TMTC1: variants seen among roughly 807,000 people sequenced by gnomAD.
TMTC1 encodes protein O-mannosyl-transferase TMTC1.
A neutral mutation model predicts 104.8 loss-of-function variants in TMTC1; 73 were observed. The observed-to-expected ratio is 0.70, with a 90% confidence interval of 0.58 to 0.85. The LOEUF (loss-of-function observed/expected upper bound fraction) is 0.85. TMTC1 is among the 40% of genes least tolerant of loss of function. The pLI is 0.00. For missense variants in TMTC1, 1,035 were observed against 1,096.1 expected (o/e 0.94, Z 0.79); for synonymous variants, 434 against 428.7 (o/e 1.01, Z -0.15).
chr12:29,540,923 A>T (rs1266778414), intron 10 of TMTC1, among the ~76,000 whole-genome samples: 1 of 151,956 alleles, frequency 6.6e-6, no homozygotes, highest in Non-Finnish European at 1.5e-5. Flanking sequence ...TGAACCTGGG[A>T]GGCGGAGCTT....
intron 5 of TMTC1, among the ~76,000 whole-genome samples, chr12:29,651,694 G>C (rs56725862): frequency 1.2e-3 from 188 of 152,268 alleles, no homozygotes; most frequent in African/African-American, 4.4e-3. Context: ...TTTAATTTCA[G>C]AGCTTGCTAT....
At chr12:29,600,206 T>C (rs2136388143) in intron 7 of TMTC1, among the ~76,000 whole-genome samples, 1 of 152,014 alleles carries the variant, frequency 6.6e-6, no homozygotes, top group African/African-American at 2.4e-5. Flanking sequence ...TATCCAGTGC[T>C]CTGACACATC....
chr12:29,647,021 G>A (rs927205172), intron 5 of TMTC1, among the ~76,000 whole-genome samples: 4 of 151,984 alleles, frequency 2.6e-5, no homozygotes, highest in Non-Finnish European at 4.4e-5. Flanking sequence ...GCTTCGTTTC[G>A]AAAAAACATG....
chr12:29,624,516 G>A (rs1056175999), intron 6 of TMTC1, among the ~76,000 whole-genome samples: 25 of 152,156 alleles, frequency 1.6e-4, no homozygotes, highest in Non-Finnish European at 3.2e-4. Flanking sequence ...GCTGTACCCA[G>A]CCCACTTGGC....
intron 7 of TMTC1, 136 bp from the exon 8 acceptor site, chr12:29,583,710 G>T: frequency 1.3e-6 from 1 of 744,738 alleles, no homozygotes; most frequent in Non-Finnish European, 2.1e-6. Context: ...CCCTGCCTTG[G>T]ACAATATTAA....
chr12:29,771,863 G>A (rs767207699), intron 1 of TMTC1, among the ~76,000 whole-genome samples: 1 of 152,104 alleles, frequency 6.6e-6, no homozygotes, highest in Non-Finnish European at 1.5e-5. Context: ...AGAGAAAGAT[G>A]ACAGAAATAA....
chr12:29,605,218 T>C (rs1946666964), intron 6 of TMTC1, among the ~76,000 whole-genome samples: 1 of 152,120 alleles, frequency 6.6e-6, no homozygotes, highest in African/African-American at 2.4e-5. Flanking sequence ...TTTTAAAGTC[T>C]ATTATTTTTA....
intron 5 of TMTC1, among the ~76,000 whole-genome samples, chr12:29,682,889 A>G (rs1940967343): frequency 6.6e-6 from 1 of 152,190 alleles, no homozygotes; most frequent in Admixed American, 6.5e-5. Flanking sequence ...CTATACACAC[A>G]TATTGCATGG....
At chr12:29,633,765 A>G (rs11050330) in intron 5 of TMTC1, among the ~76,000 whole-genome samples, 67,839 of 151,944 alleles carry the variant, frequency 0.45, 16,419 homozygotes, top group South Asian at 0.55. Context: ...ATTTCAAAAA[A>G]TCAAAATATT....
At chr12:29,511,157 C>T (rs1469337229) in intron 17 of TMTC1, among the ~76,000 whole-genome samples, 1 of 152,140 alleles carries the variant, frequency 6.6e-6, no homozygotes, top group African/African-American at 2.4e-5. Flanking sequence ...TCTTTTTTCT[C>T]CTTAGCACTT....
intron 6 of TMTC1, among the ~76,000 whole-genome samples, chr12:29,617,536 C>CAGAGAG (rs145115277): frequency 0.025 from 3,436 of 134,924 alleles, 70 homozygotes; most frequent in African/African-American, 0.06. Flanking sequence ...AAACAGACAA[C>CAGAGAG]AGAGAGAGAG....
chr12:29,592,441 A>C (rs1592284711), intron 7 of TMTC1, among the ~76,000 whole-genome samples: 1 of 152,200 alleles, frequency 6.6e-6, no homozygotes, highest in African/African-American at 2.4e-5. Context: ...GGTAAGTATG[A>C]AAGGATTCTT....
chr12:29,677,182 A>G (rs924069748), intron 5 of TMTC1, among the ~76,000 whole-genome samples: 1 of 152,192 alleles, frequency 6.6e-6, no homozygotes, highest in Non-Finnish European at 1.5e-5. Context: ...AGTCAATGTA[A>G]TGGGTTTCAG....
At chr12:29,609,134 C>G (rs1007915514) in intron 6 of TMTC1, among the ~76,000 whole-genome samples, 3 of 152,034 alleles carry the variant, frequency 2.0e-5, no homozygotes, top group Non-Finnish European at 4.4e-5. Flanking sequence ...TTTCTCACCT[C>G]TAAACAAGTT....
intron 5 of TMTC1, among the ~76,000 whole-genome samples, chr12:29,657,290 A>G (rs1939806265): frequency 6.6e-6 from 1 of 152,218 alleles, no homozygotes; most frequent in South Asian, 2.1e-4. Context: ...GGAGCTACAG[A>G]ACACAAGAAA....
chr12:29,602,535 C>T (rs890261099), intron 7 of TMTC1, among the ~76,000 whole-genome samples: 1 of 152,148 alleles, frequency 6.6e-6, no homozygotes, highest in South Asian at 2.1e-4. Context: ...AGAGGAATCA[C>T]GATCATGTTT....
intron 5 of TMTC1, among the ~76,000 whole-genome samples, chr12:29,734,561 C>A (rs1405878928): frequency 6.6e-6 from 1 of 152,212 alleles, no homozygotes. Context: ...CGGAGGATGC[C>A]TATATATAGA....
In TMTC1 at chr12:29,505,974, A is replaced by G. The variant is rs1943685717; in HGVS notation, c.*872T>C. 6.6e-6 allele frequency: 1 copy of G among 152,176 alleles called. No individual in the cohort carries two copies. The highest frequency in any genetic ancestry group is 1.5e-5 in the Non-Finnish European group (1 of 68,016). 9.4% of individuals were successfully genotyped at this position (152,176 alleles called of 1,614,324 possible). The stretch of plus-strand genomic sequence containing the variant: ...CTGAACATTAAGATAATAAAGTAGG[A>G]CATTTCTCTTAGTTAATATCTTTAA... On this transcript the variant is annotated 3_prime_UTR_variant, in exon 18 of 18. Transcript: ENST00000539277.
chr12:29,707,115 G>C (rs1277783400), intron 5 of TMTC1, among the ~76,000 whole-genome samples: 1 of 152,090 alleles, frequency 6.6e-6, no homozygotes, highest in Non-Finnish European at 1.5e-5. Flanking sequence ...CCTGCAAAAT[G>C]GTTGCTTTTC....
Sources: gnomAD v4.1 joint callset for allele counts (sites outside exome capture counted in the v4.1 genomes callset) on GRCh38, gnomAD v4.1.1 for gene constraint, MANE v1.5 for transcripts, NCBI Gene and HGNC (gene_info 2026-07-23, HGNC 2026-07-21) for gene names.